Variants in PDGFD observed in about 807,000 individuals in gnomAD.
PDGFD encodes the protein platelet-derived growth factor D.
In PDGFD, 30 loss-of-function variants were observed where a neutral mutation model predicts 44.7. That is an observed-to-expected ratio of 0.67 (90% CI 0.50 to 0.91). The LOEUF is 0.91. Among genes scored for constraint, PDGFD ranks in the 40% least tolerant of loss-of-function variants. PDGFD has a pLI of 0.00. For missense variants in PDGFD, 445 were observed against 457.8 expected (o/e 0.97, Z 0.25); for synonymous variants, 173 against 168.4 (o/e 1.03, Z -0.21).
At chr11:104,037,059 T>G (rs775088476) in intron 1 of PDGFD, 10 of 1,614,206 alleles carry the variant, frequency 6.2e-6, no homozygotes, top group Non-Finnish European at 8.5e-6. Context: ...AGAAGGACAA[T>G]GTGGGACCTC....
In PDGFD at chr11:104,015,367, C is replaced by T. The variant is rs564787447; in HGVS notation, c.125-15112G>A. On this transcript the variant is annotated intron_variant, in intron 1 of 6. Coordinates refer to ENST00000393158, the MANE Select transcript of PDGFD (RefSeq NM_025208.5). ...AAGAAATGCAGATTTTGTTTATTCT[C>T]AAGGGGTCTCAGGTGTGAACGAAGC... Among the ~76,000 whole-genome samples the T allele has an allele frequency of 1.4e-4, 22 of 152,216 alleles. No individual in the cohort carries two copies. The South Asian group carries it at 3.1e-3, about 22-fold the overall frequency.
rs1288178385 is a variant in PDGFD, at chr11:103,974,359, T to A, written c.510+21706A>T. Among the ~76,000 whole-genome samples, 3 of 152,148 alleles carry A rather than the reference T, an allele frequency of 2.0e-5. No individual in the cohort carries two copies. In the East Asian group the frequency reaches 5.8e-4, roughly 29 times the overall value. On this transcript the variant is annotated intron_variant, in intron 3 of 6. Transcript: ENST00000393158. ...TCCCTTCTCCCCATGTGCAGTCACC[T>A]CCTATGAAGCAAATTCTGTCCAACC...
rs139150584 is a variant in PDGFD at position 104,041,634 on chromosome 11, T to C, written c.125-41379A>G. Among the ~76,000 whole-genome samples, 775 of 152,244 alleles carry C rather than the reference T, an allele frequency of 5.1e-3. 8 individuals are homozygous for C. The highest frequency in any genetic ancestry group is 0.018 in the African/African-American group (735 of 41,548). On this transcript the variant is annotated intron_variant, in intron 1 of 6. Coordinates refer to ENST00000393158, the MANE Select transcript of PDGFD (RefSeq NM_025208.5). The stretch of plus-strand genomic sequence containing the variant: ...CACTTAATGCTCACTTAAATAACCA[T>C]CTTACCTACAAGAAAATCACTAGTG...
chr11:103,998,994 T>C (rs1859579110), intron 2 of PDGFD, among the ~76,000 whole-genome samples: 1 of 152,202 alleles, frequency 6.6e-6, no homozygotes, highest in Non-Finnish European at 1.5e-5. Context: ...TAGTTCTTTT[T>C]TTTTGAGATG....
At chr11:104,100,363 G>C (rs986059479) in intron 1 of PDGFD, among the ~76,000 whole-genome samples, 1 of 152,144 alleles carries the variant, frequency 6.6e-6, no homozygotes, top group Non-Finnish European at 1.5e-5. Context: ...AGAAAATCTA[G>C]AAGAAATGGA....
intron 1 of PDGFD, among the ~76,000 whole-genome samples, chr11:104,107,210 C>T (rs575606236): frequency 6.6e-6 from 1 of 152,312 alleles, no homozygotes; most frequent in East Asian, 1.9e-4. Flanking sequence ...GACCGAATCA[C>T]ATGTGCCCTT....
At chr11:104,104,898 C>A (rs1400070317) in intron 1 of PDGFD, among the ~76,000 whole-genome samples, 1 of 142,838 alleles carries the variant, frequency 7.0e-6, no homozygotes, top group Non-Finnish European at 1.6e-5. Context: ...ATACCATATG[C>A]AAATTTACAT....
Position 104,078,686 on chromosome 11 carries a change from A to G in PDGFD, c.125-78431T>C, listed in dbSNP as rs528707737. The stretch of plus-strand genomic sequence containing the variant: ...ACATTAATTTCAGCCAGTCAGTATG[A>G]AATTCCTGTTAATTTTGGAAGTGGT... On this transcript the variant is annotated intron_variant, in intron 1 of 6. Coordinates refer to ENST00000393158, the MANE Select transcript of PDGFD (RefSeq NM_025208.5). Among the ~76,000 whole-genome samples the G allele has an allele frequency of 4.3e-4, 59 of 137,858 alleles. No individual in the cohort carries two copies. The South Asian group carries it at 0.012, about 28-fold the overall frequency. The allele number at this position is 137,858 out of a possible 152,430, so 90.4% of individuals were successfully genotyped here. A position where few individuals can be genotyped will look rare whatever the true frequency, so the allele number is the denominator to read the frequency against.
chr11:103,941,405 T>C (rs529563655), intron 5 of PDGFD, among the ~76,000 whole-genome samples: 74 of 152,102 alleles, frequency 4.9e-4, no homozygotes, highest in Middle Eastern at 3.4e-3. Context: ...AGGGGGTGGG[T>C]AGACATCACA....
At chr11:104,042,746 G>C (rs1380405075) in intron 1 of PDGFD, among the ~76,000 whole-genome samples, 1 of 152,088 alleles carries the variant, frequency 6.6e-6, no homozygotes, top group Non-Finnish European at 1.5e-5. Flanking sequence ...GCATATTCCA[G>C]GTAAGCAACT....
intron 1 of PDGFD, among the ~76,000 whole-genome samples, chr11:104,057,266 T>C (rs576643070): frequency 1.3e-5 from 2 of 152,268 alleles, no homozygotes; most frequent in African/African-American, 2.4e-5. Context: ...CCAATATTGC[T>C]ATAATGTCAA....
rs146068405 is a variant in PDGFD at position 104,022,130 on chromosome 11, C to T, written c.125-21875G>A. 2.5e-3 allele frequency among the ~76,000 whole-genome samples: 378 copies of T among 152,206 alleles called. 1 individual carries two copies. The highest frequency in any genetic ancestry group is 7.5e-3 in the African/African-American group (311 of 41,530). On this transcript the variant is annotated intron_variant, in intron 1 of 6. Transcript: ENST00000393158. The stretch of plus-strand genomic sequence containing the variant: ...ATAGAGTAGAAATTTTAATTATTCA[C>T]GAAAGAGTAGGGATTTTAACCTAAT...
intron 6 of PDGFD, among the ~76,000 whole-genome samples, chr11:103,917,967 G>T (rs1356680228): frequency 6.6e-6 from 1 of 152,136 alleles, no homozygotes; most frequent in East Asian, 1.9e-4. Flanking sequence ...TTGCCATGCT[G>T]TTCCATAGAC....
Position 103,908,796 on chromosome 11 carries a change from C to T in PDGFD, c.*898G>A, listed in dbSNP as rs1857981474. 1.3e-5 allele frequency: 2 copies of T among 152,306 alleles called. No individual in the cohort carries two copies. The highest frequency in any genetic ancestry group is 4.1e-4 in the South Asian group (2 of 4,826). 9.4% of individuals were successfully genotyped at this position (152,306 alleles called of 1,614,324 possible). On this transcript the variant is annotated 3_prime_UTR_variant, in exon 7 of 7. Coordinates refer to ENST00000393158, the MANE Select transcript of PDGFD (RefSeq NM_025208.5). Reference sequence around the variant, plus strand: ...TCAACTACCCACATCTTTCACTGAACACCATCTGGAAAGGTTCATACAGAA... The same window carrying T: ...TCAACTACCCACATCTTTCACTGAATACCATCTGGAAAGGTTCATACAGAA...
chr11:103,917,115 T>G (rs1858139865), intron 6 of PDGFD, among the ~76,000 whole-genome samples: 1 of 151,912 alleles, frequency 6.6e-6, no homozygotes, highest in South Asian at 2.1e-4. Context: ...GTTGCCCTGA[T>G]GAAGGTCATT....
At chr11:104,132,966 T>C (rs1030729457) in intron 1 of PDGFD, among the ~76,000 whole-genome samples, 3 of 152,124 alleles carry the variant, frequency 2.0e-5, no homozygotes, top group Non-Finnish European at 2.9e-5. Flanking sequence ...TCAAAGTGTG[T>C]TTCTTGCTTA....
intron 1 of PDGFD, among the ~76,000 whole-genome samples, chr11:104,132,499 T>C (rs1040304996): frequency 2.6e-5 from 4 of 152,106 alleles, no homozygotes; most frequent in African/African-American, 9.7e-5. Flanking sequence ...GGGGCTCTTC[T>C]TTCACAGTGA....
intron 1 of PDGFD, among the ~76,000 whole-genome samples, chr11:104,156,365 T>G (rs1371316631): frequency 1.3e-5 from 2 of 151,832 alleles, no homozygotes; most frequent in African/African-American, 4.8e-5. Context: ...AAAAAATAGA[T>G]AAAATAAAAT....
chr11:103,909,761 A>G lies in PDGFD; in HGVS notation c.1046T>C (p.Leu349Pro), dbSNP rs1490600764. 1 of 1,614,086 alleles carries G rather than the reference A, an allele frequency of 6.2e-7. No homozygotes were observed. Among genetic ancestry groups the G allele is most frequent in the Admixed American group, 1.7e-5 (1 of 60,024 alleles). The change falls in exon 7 of 7, where the codon CTA becomes CCA. Residue 349 changes from leucine to proline, a missense_variant. Transcript: ENST00000393158. ...KRRGRAKTMA[L>P]VDIQLDHHER... ...ATGGTGATCCAACTGGATGTCAACTAGAGCCATGGTCTTAGCTCTACCCCT... is the reference window on the plus strand; with the variant it reads ...ATGGTGATCCAACTGGATGTCAACTGGAGCCATGGTCTTAGCTCTACCCCT...
Sources: allele counts gnomAD v4.1 joint callset (sites outside exome capture counted in the v4.1 genomes callset), GRCh38; gene constraint gnomAD v4.1.1; transcripts MANE v1.5; gene names NCBI Gene and HGNC (gene_info 2026-07-23, HGNC 2026-07-21).